The following CYP2U1 variants were observed in gnomAD, a reference collection of about 807,000 sequenced individuals.
CYP2U1 encodes cytochrome P450 2U1.
A neutral mutation model predicts 42.8 loss-of-function variants in CYP2U1; 28 were observed. The observed-to-expected ratio is 0.65, with a 90% confidence interval of 0.48 to 0.90. The LOEUF is 0.90. CYP2U1 is among the 40% of genes least tolerant of loss of function. CYP2U1 has a pLI of 0.00. For synonymous variants in CYP2U1, 296 were observed against 278.9 expected (o/e 1.06, Z -0.61); for missense variants, 642 against 693.8 (o/e 0.93, Z 0.84).
At chr4:107,948,070 C>T (rs1733765998) in intron 3 of CYP2U1, among the ~76,000 whole-genome samples, 1 of 152,172 alleles carries the variant, frequency 6.6e-6, no homozygotes, top group South Asian at 2.1e-4. Flanking sequence ...GAGTTCGAGA[C>T]CAGCCTGGAC....
intron 1 of CYP2U1, chr4:107,937,865 T>G (rs1733331430): frequency 6.6e-6 from 1 of 152,220 alleles, no homozygotes; most frequent in Non-Finnish European, 1.5e-5. Context: ...TTTCATAATT[T>G]TAAAAATTGC....
chr4:107,932,444 A>G (rs563650258), intron 1 of CYP2U1, among the ~76,000 whole-genome samples: 1 of 152,322 alleles, frequency 6.6e-6, no homozygotes, highest in South Asian at 2.1e-4. Flanking sequence ...CCATCTTTCC[A>G]AAAGTAGCCT....
At chr4:107,943,863 G>T (rs1207626005) in intron 1 of CYP2U1, among the ~76,000 whole-genome samples, 1 of 152,196 alleles carries the variant, frequency 6.6e-6, no homozygotes, top group Non-Finnish European at 1.5e-5. Context: ...AAAATAGGAT[G>T]AAATAGGTGA....
At position 107,944,621 on chromosome 4, in the gene CYP2U1, T is replaced by C. The variant is rs530197653; in HGVS notation, c.491-349T>C. ...GTACCTGTCCACCTGAGAAATTTTCTAAGCCTGGATTCACTCTTATGAAAT... is the reference window on the plus strand; with the variant it reads ...GTACCTGTCCACCTGAGAAATTTTCCAAGCCTGGATTCACTCTTATGAAAT... On this transcript the variant is annotated intron_variant, in intron 1 of 4. Transcript: ENST00000332884. Among the ~76,000 whole-genome samples the C allele has an allele frequency of 3.6e-4, 55 of 151,786 alleles. 1 individual carries two copies. Among genetic ancestry groups the C allele is most frequent in the African/African-American group, 1.3e-3 (54 of 41,434 alleles).
rs1440542043 is a variant in CYP2U1, at chr4:107,931,928, G to C, written c.285G>C (p.Gly95=). 3 of 1,551,138 alleles carry C rather than the reference G, an allele frequency of 1.9e-6. No homozygotes were observed. Among genetic ancestry groups the C allele is most frequent in the African/African-American group, 1.4e-5 (1 of 73,086 alleles). ...TGAGCAGCAGGACCAGGGCCGCAGG[G>C]ATTGATCCCTCGGTCATAGGCCCGC... ...SWLSSRTRAA[G]IDPSVIGPQV... Residue 95 remains glycine (G), a synonymous_variant, in exon 1 of 5, where the codon GGG becomes GGC. Coordinates refer to ENST00000332884, the MANE Select transcript of CYP2U1 (RefSeq NM_183075.3).
At chr4:107,948,617 A>G (rs1733798465) in intron 3 of CYP2U1, among the ~76,000 whole-genome samples, 1 of 151,738 alleles carries the variant, frequency 6.6e-6, no homozygotes, top group South Asian at 2.1e-4. Context: ...CATCATAGTT[A>G]GAAGAGCCCA....
chr4:107,948,761 T>C (rs559114180), intron 3 of CYP2U1, among the ~76,000 whole-genome samples: 1 of 152,186 alleles, frequency 6.6e-6, no homozygotes, highest in South Asian at 2.1e-4. Context: ...TATAATGGGC[T>C]TGATCTAGTT....
At position 107,938,745 on chromosome 4, in the gene CYP2U1, A is replaced by C. The variant is rs144182704; in HGVS notation, c.491-6225A>C. On this transcript the variant is annotated intron_variant, in intron 1 of 4. Coordinates refer to ENST00000332884, the MANE Select transcript of CYP2U1 (RefSeq NM_183075.3). ...GCTTCGGAGCCATTTTGCTAGACCA[A>C]ATATTTCTAAAATACAAATTTGTAG... is the stretch of plus-strand genomic sequence containing the variant. 3.3e-5 allele frequency: 5 copies of C among 152,220 alleles called. No homozygotes were observed. In the East Asian group the frequency reaches 9.6e-4, roughly 29 times the overall value. The allele number at this position is 152,220 out of a possible 1,614,324, so 9.4% of individuals were successfully genotyped here.
intron 1 of CYP2U1, among the ~76,000 whole-genome samples, chr4:107,935,023 C>T (rs1733207160): frequency 6.6e-6 from 1 of 152,214 alleles, no homozygotes; most frequent in Admixed American, 6.5e-5. Flanking sequence ...CTTCTTGGCA[C>T]AGAATAGAGA....
In CYP2U1 at chr4:107,939,458, G is replaced by A. The variant is rs183886467; in HGVS notation, c.491-5512G>A. On this transcript the variant is annotated intron_variant, in intron 1 of 4. Coordinates refer to ENST00000332884, the MANE Select transcript of CYP2U1 (RefSeq NM_183075.3). ...CAATCACATACCATACCAGAGGAAT[G>A]TTGAACAGAAGAACACACTCTATCC... 4.7e-3 allele frequency among the ~76,000 whole-genome samples: 712 copies of A among 152,298 alleles called. 2 individuals are homozygous for A. Among genetic ancestry groups the A allele is most frequent in the Middle Eastern group, 0.021 (6 of 292 alleles).
At position 107,940,844 on chromosome 4, in the gene CYP2U1, G is replaced by T. The variant is rs76358207; in HGVS notation, c.491-4126G>T. 220 of 152,234 alleles carry T rather than the reference G, an allele frequency of 1.4e-3. 1 individual carries two copies. Among genetic ancestry groups the T allele is most frequent in the African/African-American group, 5.0e-3 (207 of 41,534 alleles). The allele number at this position is 152,234 out of a possible 1,614,324, so 9.4% of individuals were successfully genotyped here. On this transcript the variant is annotated intron_variant, in intron 1 of 4. Coordinates refer to ENST00000332884, the MANE Select transcript of CYP2U1 (RefSeq NM_183075.3). ...AAGCAGATAAACAAATCTCAGAATA[G>T]TATGTTAGATATTAGTAATTAGAGT... is the stretch of plus-strand genomic sequence containing the variant.
Position 107,945,145 on chromosome 4 carries a change from C to T in CYP2U1, c.666C>T (p.Ser222=), listed in dbSNP as rs1733650234. The T allele has an allele frequency of 2.5e-6, 4 of 1,613,950 alleles. No individual in the cohort carries two copies. The highest frequency in any genetic ancestry group is 3.4e-6 in the Non-Finnish European group (4 of 1,179,990). ...GAGAAGACCCCTTCTGCCCTTTCTC[C>T]ATCATCAGCAATGCCGTCTCTAACA... is the stretch of plus-strand genomic sequence containing the variant. The part of the protein sequence containing the change: ...KHGEDPFCPF[S]IISNAVSNII... Residue 222 remains serine, a synonymous_variant, in exon 2 of 5, where the codon TCC becomes TCT. Coordinates refer to ENST00000332884, the MANE Select transcript of CYP2U1 (RefSeq NM_183075.3).
rs1225967673 is a variant in CYP2U1 at position 107,931,935 on chromosome 4, C to T, written c.292C>T (p.Pro98Ser). ...CAGGACCAGGGCCGCAGGGATTGAT[C>T]CCTCGGTCATAGGCCCGCAGGTGCT... ...SSRTRAAGID[P>S]SVIGPQVLLA... The change falls in exon 1 of 5, where the codon CCC (proline) becomes TCC (serine). Residue 98 changes from proline to serine, a missense_variant. Transcript: ENST00000332884. 9.7e-6 allele frequency: 15 copies of T among 1,551,374 alleles called. No individual in the cohort carries two copies. Among genetic ancestry groups the T allele is most frequent in the East Asian group, 2.4e-5 (1 of 40,936 alleles).
At position 107,950,341 on chromosome 4, in the gene CYP2U1, A is replaced by G. The variant is rs1478520320; in HGVS notation, c.1553A>G (p.Asp518Gly). The G allele has an allele frequency of 1.2e-6, 2 of 1,614,074 alleles. No homozygotes were observed. Among genetic ancestry groups the G allele is most frequent in the African/African-American group, 2.7e-5 (2 of 75,030 alleles). ...MQSFAFALPE[D>G]SKKPLLTGRF... Reference sequence around the variant, plus strand: ...AGTTTCGCATTTGCTTTACCTGAGGATTCTAAGAAGCCCCTCCTGACTGGA... The same window carrying G: ...AGTTTCGCATTTGCTTTACCTGAGGGTTCTAAGAAGCCCCTCCTGACTGGA... The change falls in exon 5 of 5, where the codon GAT (aspartate) becomes GGT (glycine). Residue 518 changes from aspartate (D) to glycine (G), a missense_variant. By Grantham distance (94) the Asp-to-Gly change is moderately conservative. Coordinates refer to ENST00000332884, the MANE Select transcript of CYP2U1 (RefSeq NM_183075.3).
At chr4:107,950,090 T>C (rs1423577652) in intron 4 of CYP2U1, among the ~76,000 whole-genome samples, 155 bp from the exon 5 acceptor site, 1 of 152,178 alleles carries the variant, frequency 6.6e-6, no homozygotes, top group Non-Finnish European at 1.5e-5. Context: ...CAGCATATGC[T>C]GTGGGAGGCT....
chr4:107,940,718 A>G (rs1316929817), intron 1 of CYP2U1: 1 of 152,120 alleles, frequency 6.6e-6, no homozygotes, highest in Non-Finnish European at 1.5e-5. Context: ...CAACCACTCA[A>G]CTAGACTTTA....
chr4:107,933,130 G>T (rs1009701479), intron 1 of CYP2U1, among the ~76,000 whole-genome samples: 1 of 152,176 alleles, frequency 6.6e-6, no homozygotes, highest in Non-Finnish European at 1.5e-5. Context: ...TTTGCATCAG[G>T]ATTTTAAACG....
intron 1 of CYP2U1, among the ~76,000 whole-genome samples, chr4:107,939,965 G>A (rs140535197): frequency 6.8e-4 from 103 of 152,184 alleles, no homozygotes; most frequent in South Asian, 3.7e-3. Flanking sequence ...CCTGGCCACC[G>A]ACAAAAGAAA....
Position 107,931,728 on chromosome 4 carries a change from C to G in CYP2U1, c.85C>G (p.Arg29Gly). ...CCTGCGTGCGCCTCTGGGGCTGCTG[C>G]GGCTGGACCCCAGCGGGGGCGCGCT... ...RLLRAPLGLL[R>G]LDPSGGALLL... The change falls in exon 1 of 5, where the codon CGG (arginine) becomes GGG (glycine). Residue 29 changes from arginine (R) to glycine (G), a missense_variant. Physicochemically the swap from Arg to Gly is moderately radical, Grantham distance 125. Transcript: ENST00000332884. 7.1e-7 allele frequency: 1 copy of G among 1,402,166 alleles called. No homozygotes were observed. Among genetic ancestry groups the G allele is most frequent in the Non-Finnish European group, 9.2e-7 (1 of 1,088,004 alleles). The allele number at this position is 1,402,166 out of a possible 1,614,324, so 86.9% of individuals were successfully genotyped here. A position where few individuals can be genotyped will look rare whatever the true frequency, so the allele number is the denominator to read the frequency against.
Sources: gnomAD v4.1 joint callset for allele counts (sites outside exome capture counted in the v4.1 genomes callset) on GRCh38, gnomAD v4.1.1 for gene constraint, MANE v1.5 for transcripts, NCBI Gene and HGNC (gene_info 2026-07-23, HGNC 2026-07-21) for gene names.